CCAR1: variants seen among roughly 807,000 people sequenced by gnomAD.
CCAR1 encodes the protein cell division cycle and apoptosis regulator 1, also known as cell division cycle and apoptosis regulator protein 1.
A neutral mutation model predicts 163.8 loss-of-function variants in CCAR1; 78 were observed. That is an observed-to-expected ratio of 0.48 (90% CI 0.40 to 0.57). The LOEUF (loss-of-function observed/expected upper bound fraction) is 0.57, where lower values mean the gene tolerates loss of function less well. CCAR1 is among the 20% of genes least tolerant of loss of function. The probability of loss-of-function intolerance (pLI) is 0.00; values close to 1 mark genes in which losing one functional copy is unlikely to be tolerated. For synonymous variants in CCAR1, 443 were observed against 460.7 expected (o/e 0.96, Z 0.49); for missense variants, 1,019 against 1,365.2 (o/e 0.75, Z 4.00).
At chr10:68,748,485 C>CTTT (rs768641201) in intron 8 of CCAR1, among the ~76,000 whole-genome samples, 75 of 117,750 alleles carry the variant, frequency 6.4e-4, no homozygotes, top group Non-Finnish European at 7.3e-4. Flanking sequence ...GTGACATGTT[C>CTTT]TTTTTTTTTT....
At chr10:68,739,802 A>G (rs2056160072) in intron 4 of CCAR1, among the ~76,000 whole-genome samples, 1 of 152,238 alleles carries the variant, frequency 6.6e-6, no homozygotes, top group African/African-American at 2.4e-5. Flanking sequence ...ACAAAAAAAT[A>G]GTATTTTGAT....
At chr10:68,749,083 C>A in intron 8 of CCAR1, 53 bp from the exon 9 acceptor site, 1 of 1,606,428 alleles carries the variant, frequency 6.2e-7, no homozygotes, top group East Asian at 2.2e-5. Context: ...TCAGGTAATG[C>A]CTTCGAACTT....
chr10:68,790,745 A>C (rs2056843573), intron 24 of CCAR1, among the ~76,000 whole-genome samples: 1 of 143,996 alleles, frequency 6.9e-6, no homozygotes, highest in Non-Finnish European at 1.5e-5. Flanking sequence ...GCGGTGGCTC[A>C]TGCCTGTAAT....
Position 68,737,834 on chromosome 10 carries a change from T to A in CCAR1, c.247-11T>A, listed in dbSNP as rs762500931. On this transcript the variant is annotated splice_polypyrimidine_tract_variant and intron_variant, in intron 3 of 24. Transcript: ENST00000265872. ...TATTTTTCTTTGAAAAATTTTTTTT[T>A]AATCTTTCAGCAATATTCACAACCT... The A allele has an allele frequency of 1.3e-6, 2 of 1,572,034 alleles. No individual in the cohort carries two copies. The highest frequency in any genetic ancestry group is 1.7e-6 in the Non-Finnish European group (2 of 1,158,210).
At chr10:68,765,303 A>C (rs1035300072) in intron 16 of CCAR1, among the ~76,000 whole-genome samples, 1 of 152,164 alleles carries the variant, frequency 6.6e-6, no homozygotes, top group African/African-American at 2.4e-5. Context: ...GTAAGGGGTG[A>C]AATTTTGCCT....
chr10:68,725,324 C>T (rs186737638), intron 2 of CCAR1, among the ~76,000 whole-genome samples: 16 of 151,824 alleles, frequency 1.1e-4, no homozygotes, highest in Admixed American at 8.6e-4. Context: ...ATTAGACGGG[C>T]GTGGCAGAGG....
intron 2 of CCAR1, among the ~76,000 whole-genome samples, chr10:68,729,384 C>T (rs1007559195): frequency 3.3e-5 from 5 of 151,622 alleles, no homozygotes; most frequent in African/African-American, 7.3e-5. Context: ...ATTCTCCTGC[C>T]TCAGCCTCCC....
Position 68,749,614 on chromosome 10 carries a change from G to A in CCAR1, c.1047G>A (p.Glu349=), listed in dbSNP as rs1418132566. ...AAAGATCTCCACGAAGAGAGCGAGAGCGATCACCTCGGAGAGTTCGACGTG... is the reference window on the plus strand; with the variant it reads ...AAAGATCTCCACGAAGAGAGCGAGAACGATCACCTCGGAGAGTTCGACGTG... ...SRERSPRRER[E]RSPRRVRRVV... The change falls in exon 10 of 25, where the codon GAG becomes GAA. Residue 349 remains glutamate, a synonymous_variant. Transcript: ENST00000265872. 1.2e-6 allele frequency: 2 copies of A among 1,614,062 alleles called. No individual in the cohort carries two copies. Among genetic ancestry groups the A allele is most frequent in the Admixed American group, 1.7e-5 (1 of 60,022 alleles).
chr10:68,724,230 A>G lies in CCAR1; in HGVS notation c.73+1653A>G, dbSNP rs539822294. On this transcript the variant is annotated intron_variant, in intron 2 of 24. Transcript: ENST00000265872. ...GTAATCCCAGCATTTTGGGAGGCCA[A>G]GGTGGGCAGATCACCTGAGGTCAGG... Among the ~76,000 whole-genome samples the G allele has an allele frequency of 6.6e-5, 10 of 152,270 alleles. No homozygotes were observed. In the South Asian group the frequency reaches 2.1e-3, roughly 32 times the overall value.
At position 68,722,465 on chromosome 10, in the gene CCAR1, T is replaced by C; in HGVS notation, c.-40T>C. 2 of 1,515,148 alleles carry C rather than the reference T, an allele frequency of 1.3e-6. No individual in the cohort carries two copies. Among genetic ancestry groups the C allele is most frequent in the South Asian group, 1.1e-5 (1 of 89,042 alleles). 93.9% of individuals were successfully genotyped at this position (1,515,148 alleles called of 1,614,324 possible). A position where few individuals can be genotyped will look rare whatever the true frequency, so the allele number is the denominator to read the frequency against. On this transcript the variant is annotated 5_prime_UTR_variant, in exon 2 of 25. The change abolishes the stop of an existing upstream ORF in the 5' untranslated region. Coordinates refer to ENST00000265872, the MANE Select transcript of CCAR1 (RefSeq NM_018237.4). ...TCCTTTTCTTGATAGATCGATGCTA[T>C]AGAAGACAAACAAGGGAAGGTTTTT...
chr10:68,722,626 A>G, intron 2 of CCAR1, 49 bp downstream of exon 2: 1 of 1,427,002 alleles, frequency 7.0e-7, no homozygotes, highest in African/African-American at 1.4e-5. Flanking sequence ...GGGACTTGTT[A>G]AAACTACGTG....
chr10:68,729,538 G>A (rs2056003687), intron 2 of CCAR1, among the ~76,000 whole-genome samples: 1 of 151,672 alleles, frequency 6.6e-6, no homozygotes, highest in Admixed American at 6.6e-5. Flanking sequence ...CAAAGTGCTG[G>A]GATTACAGGT....
rs2056407760 is a variant in CCAR1, at chr10:68,757,344, C to G, written c.1887C>G (p.Thr629=). The G allele has an allele frequency of 1.9e-6, 3 of 1,586,666 alleles. No individual in the cohort carries two copies. Among genetic ancestry groups the G allele is most frequent in the Non-Finnish European group, 2.6e-6 (3 of 1,156,066 alleles). Reference sequence around the variant, plus strand: ...AAGCTAAAGAAATTTCTACACCTACCCATTGGTCTAAACTTGATCCAAAGA... The same window carrying G: ...AAGCTAAAGAAATTTCTACACCTACGCATTGGTCTAAACTTGATCCAAAGA... ...DGEAKEISTP[T]HWSKLDPKTM... The change falls in exon 15 of 25, where the codon ACC becomes ACG. Residue 629 remains threonine, a synonymous_variant. Transcript: ENST00000265872.
Position 68,749,214 on chromosome 10 carries a change from C to T in CCAR1, c.905C>T (p.Ser302Leu). Residue 302 changes from serine (S) to leucine (L), a missense_variant, in exon 9 of 25, where the codon TCA becomes TTA. By Grantham distance (145) the Ser-to-Leu change is moderately radical. This residue lies in a region of CCAR1 where 644 missense variants were observed against 904.4 expected (regional missense o/e 0.71). Coordinates refer to ENST00000265872, the MANE Select transcript of CCAR1 (RefSeq NM_018237.4). ...ARRLDPPSRF[S>L]GRNDRGDQVP... Reference sequence around the variant, plus strand: ...CGATTAGATCCCCCATCCCGATTTTCAGGAAGAAATGACAGAGGGGATCAA... The same window carrying T: ...CGATTAGATCCCCCATCCCGATTTTTAGGAAGAAATGACAGAGGGGATCAA... The T allele has an allele frequency of 6.2e-7, 1 of 1,613,290 alleles. No homozygotes were observed.
At chr10:68,740,337 A>C (rs1014083709) in intron 4 of CCAR1, among the ~76,000 whole-genome samples, 1 of 152,162 alleles carries the variant, frequency 6.6e-6, no homozygotes, top group Non-Finnish European at 1.5e-5. Flanking sequence ...GTTGTAGGAA[A>C]CTTTATACCT....
chr10:68,730,459 TGCTGAGTA>T (rs1170194619), intron 2 of CCAR1, among the ~76,000 whole-genome samples: 1 of 151,802 alleles, frequency 6.6e-6, no homozygotes, highest in Non-Finnish European at 1.5e-5. Flanking sequence ...TGCCTCAGCC[TGCTGAGTA>T]GCTGGGACTA....
chr10:68,782,569 A>G (rs1267006511), intron 19 of CCAR1, among the ~76,000 whole-genome samples: 2 of 152,220 alleles, frequency 1.3e-5, no homozygotes, highest in Non-Finnish European at 2.9e-5. Flanking sequence ...TTTCACAGCT[A>G]GAGAAGAGCA....
At chr10:68,774,553 C>T (rs1400397731) in intron 19 of CCAR1, among the ~76,000 whole-genome samples, 2 of 151,630 alleles carry the variant, frequency 1.3e-5, no homozygotes, top group Admixed American at 1.3e-4. Context: ...ATGGCTTGAA[C>T]TCGGGAGGCA....
chr10:68,755,216 G>A (rs768644609), intron 12 of CCAR1, 154 bp from the exon 13 acceptor site: 2 of 782,688 alleles, frequency 2.6e-6, no homozygotes, highest in Non-Finnish European at 4.7e-6. Context: ...GAAATGCAGT[G>A]TGGAACACAA....
Sources: gnomAD v4.1 joint callset for allele counts (sites outside exome capture counted in the v4.1 genomes callset) on GRCh38, gnomAD v4.1.1 for gene constraint, gnomAD v4.1.1 regional missense constraint, MANE v1.5 for transcripts, NCBI Gene and HGNC (gene_info 2026-07-23, HGNC 2026-07-21) for gene names.